CBFA2T2: variants seen among roughly 807,000 people sequenced by gnomAD.
The protein encoded by CBFA2T2 is protein CBFA2T2.
In CBFA2T2, 11 loss-of-function variants were observed where a neutral mutation model predicts 62.2. The ratio of observed to expected loss-of-function variants is 0.18; its 90% CI spans 0.11 to 0.29. The LOEUF (loss-of-function observed/expected upper bound fraction) is 0.29, where lower values mean the gene tolerates loss of function less well. Among genes scored for constraint, CBFA2T2 ranks in the 10% least tolerant of loss-of-function variants. The pLI, the probability that CBFA2T2 is intolerant of heterozygous loss-of-function variation, is 1.00. For missense variants in CBFA2T2, 592 were observed against 774.1 expected, an observed-to-expected ratio of 0.76 and a Z score of 2.79; for synonymous variants, 295 against 287.5, an observed-to-expected ratio of 1.03 and a Z score of -0.27.
At chr20:33,591,467 CAAAAA>C (rs11475752) in intron 1 of CBFA2T2, among the ~76,000 whole-genome samples, 1 of 98,080 alleles carries the variant, frequency 1.0e-5, no homozygotes, top group Non-Finnish European at 2.2e-5. Context: ...GAGTAAATCT[CAAAAA>C]AAAAAAAAAA....
At chr20:33,541,769 T>A (rs1382629847) in intron 1 of CBFA2T2, among the ~76,000 whole-genome samples, 1 of 152,224 alleles carries the variant, frequency 6.6e-6, no homozygotes, top group East Asian at 1.9e-4. Flanking sequence ...TCTATAATTT[T>A]TGGTACTTTT....
At chr20:33,568,637 G>A (rs183206245) in intron 1 of CBFA2T2, among the ~76,000 whole-genome samples, 22 of 152,178 alleles carry the variant, frequency 1.4e-4, no homozygotes, top group Non-Finnish European at 2.5e-4. Flanking sequence ...ATCCGGCCTC[G>A]TCTGTTACTC....
chr20:33,621,061 C>G (rs1568858063), intron 4 of CBFA2T2, among the ~76,000 whole-genome samples: 1 of 152,134 alleles, frequency 6.6e-6, no homozygotes, highest in Non-Finnish European at 1.5e-5. Context: ...CCACTTTAAT[C>G]TGGCACAGTT....
intron 1 of CBFA2T2, among the ~76,000 whole-genome samples, chr20:33,517,818 G>C (rs966399801): frequency 2.7e-5 from 4 of 150,940 alleles, no homozygotes; most frequent in African/African-American, 9.8e-5. Context: ...CCAATTTTTT[G>C]TATTTCTAGT....
intron 8 of CBFA2T2, among the ~76,000 whole-genome samples, chr20:33,632,790 A>G (rs578190674): frequency 1.6e-4 from 24 of 149,252 alleles, no homozygotes; most frequent in African/African-American, 5.7e-4. Flanking sequence ...TTTGTTTGAG[A>G]CGGAGTCTTG....
chr20:33,591,819 C>T (rs2146926736), intron 1 of CBFA2T2, among the ~76,000 whole-genome samples: 1 of 121,650 alleles, frequency 8.2e-6, no homozygotes, highest in African/African-American at 3.1e-5. Context: ...TTCCCAAGTC[C>T]ATTCTCATGA....
intron 1 of CBFA2T2, among the ~76,000 whole-genome samples, chr20:33,564,048 G>T (rs961130173): frequency 1.4e-4 from 22 of 151,984 alleles, no homozygotes; most frequent in African/African-American, 5.1e-4. Flanking sequence ...GCGACCTCCC[G>T]CTGGAAAATT....
intron 1 of CBFA2T2, among the ~76,000 whole-genome samples, chr20:33,536,321 C>T (rs1241065220): frequency 2.5e-4 from 37 of 146,428 alleles, no homozygotes; most frequent in Middle Eastern, 3.6e-3. Flanking sequence ...ACCTCCCTCC[C>T]AGACGGGGCG....
chr20:33,549,064 G>T (rs1346339557), intron 1 of CBFA2T2, among the ~76,000 whole-genome samples: 1 of 152,110 alleles, frequency 6.6e-6, no homozygotes, highest in African/African-American at 2.4e-5. Context: ...GGGAGTTCTA[G>T]AAGAACATAT....
At chr20:33,507,185 T>G (rs893367251) in intron 1 of CBFA2T2, among the ~76,000 whole-genome samples, 1 of 152,208 alleles carries the variant, frequency 6.6e-6, no homozygotes, top group South Asian at 2.1e-4. Context: ...TTCTAGGATA[T>G]TCTTGATTTC....
At chr20:33,620,895 G>A (rs114222439) in intron 4 of CBFA2T2, among the ~76,000 whole-genome samples, 210 of 152,322 alleles carry the variant, frequency 1.4e-3, no homozygotes, top group African/African-American at 3.9e-3. Flanking sequence ...AATCAGGAAA[G>A]TAACATTCAT....
chr20:33,619,666 C>T, intron 4 of CBFA2T2, 60 bp downstream of exon 4: 4 of 1,239,096 alleles, frequency 3.2e-6, no homozygotes, highest in Non-Finnish European at 4.6e-6. Flanking sequence ...TCTGCTAATC[C>T]CTGTTACGTG....
chr20:33,604,876 A>G (rs555922495), intron 1 of CBFA2T2, among the ~76,000 whole-genome samples: 1 of 152,210 alleles, frequency 6.6e-6, no homozygotes, highest in South Asian at 2.1e-4. Context: ...GAAATGTGTC[A>G]ACTGTTCTCT....
chr20:33,608,559 A>T (rs904901217), intron 2 of CBFA2T2, among the ~76,000 whole-genome samples: 3 of 152,224 alleles, frequency 2.0e-5, no homozygotes, highest in Admixed American at 6.5e-5. Context: ...GAAGTGTGAT[A>T]TCCCTTTTCT....
chr20:33,537,642 T>C (rs2012301982), intron 1 of CBFA2T2, among the ~76,000 whole-genome samples: 1 of 152,226 alleles, frequency 6.6e-6, no homozygotes, highest in Admixed American at 6.5e-5. Flanking sequence ...AGTTTTTAGA[T>C]TTACATGTAG....
chr20:33,503,505 G>A (rs1221193572), intron 1 of CBFA2T2, among the ~76,000 whole-genome samples: 6 of 151,818 alleles, frequency 4.0e-5, no homozygotes, highest in Non-Finnish European at 1.5e-5. Flanking sequence ...CGCCCGCCTC[G>A]GCCTCCCAAA....
At chr20:33,510,202 T>C (rs1284362101) in intron 1 of CBFA2T2, among the ~76,000 whole-genome samples, 1 of 151,766 alleles carries the variant, frequency 6.6e-6, no homozygotes, top group African/African-American at 2.4e-5. Flanking sequence ...TGCCACTTTT[T>C]CTTTTTTTCT....
intron 1 of CBFA2T2, among the ~76,000 whole-genome samples, chr20:33,542,640 G>C (rs1463122803): frequency 6.6e-6 from 1 of 152,056 alleles, no homozygotes; most frequent in East Asian, 1.9e-4. Flanking sequence ...AGTCTTTGTA[G>C]GAACTAACAG....
intron 1 of CBFA2T2, among the ~76,000 whole-genome samples, chr20:33,593,676 A>T (rs1202717682): frequency 6.6e-6 from 1 of 152,210 alleles, no homozygotes; most frequent in Non-Finnish European, 1.5e-5. Flanking sequence ...TACAGGCATG[A>T]GCCAACACGC....
Sources: allele counts gnomAD v4.1 joint callset (sites outside exome capture counted in the v4.1 genomes callset), GRCh38; gene constraint gnomAD v4.1.1; transcripts MANE v1.5; gene names NCBI Gene and HGNC (gene_info 2026-07-23, HGNC 2026-07-21).